ZNF385D: variants seen among roughly 807,000 people sequenced by gnomAD.
ZNF385D encodes zinc finger protein 659.
Under a neutral mutation model 35.8 loss-of-function variants are expected in ZNF385D, and 15 were observed. That is an observed-to-expected ratio of 0.42 (90% CI 0.28 to 0.64). The LOEUF is 0.64. Among genes scored for constraint, ZNF385D ranks in the 30% least tolerant of loss-of-function variants. The pLI, the probability that ZNF385D is intolerant of heterozygous loss-of-function variation, is 0.23. For synonymous variants in ZNF385D, 212 were observed against 186.8 expected, an observed-to-expected ratio of 1.13 and a Z score of -1.10; for missense variants, 474 against 494.6, an observed-to-expected ratio of 0.96 and a Z score of 0.39.
intron 2 of ZNF385D, among the ~76,000 whole-genome samples, chr3:22,196,998 G>A (rs1429266077): frequency 1.3e-5 from 2 of 151,884 alleles, no homozygotes; most frequent in African/African-American, 4.8e-5. Flanking sequence ...ATTTTGGCAG[G>A]TATTTCTATT....
At chr3:21,605,158 A>C (rs1453922656) in intron 2 of ZNF385D, among the ~76,000 whole-genome samples, 2 of 152,200 alleles carry the variant, frequency 1.3e-5, no homozygotes, top group Non-Finnish European at 2.9e-5. Context: ...GAGGATCTAG[A>C]AATGAGATCA....
At chr3:22,173,058 C>CA (rs1451171649) in intron 2 of ZNF385D, among the ~76,000 whole-genome samples, 1 of 152,172 alleles carries the variant, frequency 6.6e-6, no homozygotes, top group East Asian at 1.9e-4. Context: ...GACGTGCTAA[C>CA]AATGGTATTT....
rs375157558 is a variant in ZNF385D, at chr3:22,155,517, G to C, written c.325+13300C>G. 2.6e-5 allele frequency among the ~76,000 whole-genome samples: 4 copies of C among 152,060 alleles called. No individual in the cohort carries two copies. In the East Asian group the frequency reaches 5.8e-4, roughly 22 times the overall value. On this transcript the variant is annotated intron_variant, in intron 3 of 5. Transcript: ENST00000494108. ...CTGGGACACTTTTGTTAGTGATTAGGCAAAAGGGGTCCTTGACTAGTAAAT... is the reference window on the plus strand; with the variant it reads ...CTGGGACACTTTTGTTAGTGATTAGCCAAAAGGGGTCCTTGACTAGTAAAT...
At position 22,307,214 on chromosome 3, in the gene ZNF385D, G is replaced by A. The variant is rs368519086; in HGVS notation, c.106+65236C>T. 4.6e-5 allele frequency among the ~76,000 whole-genome samples: 7 copies of A among 152,204 alleles called. 1 individual carries two copies. In the South Asian group the frequency reaches 1.5e-3, roughly 32 times the overall value. On this transcript the variant is annotated intron_variant, in intron 2 of 5. Transcript: ENST00000494108. ...AAAGCCCTGGTGGGGTGGGGAGGTG[G>A]GAAGTGTTTGAGAGTCAGTTTAATT...
chr3:21,808,719 T>C (rs1417860409), intron 3 of ZNF385D, among the ~76,000 whole-genome samples: 1 of 152,212 alleles, frequency 6.6e-6, no homozygotes, highest in Non-Finnish European at 1.5e-5. Context: ...AGGAGTGATC[T>C]GAATGAAGAA....
At chr3:22,105,605 G>T (rs534467374) in intron 3 of ZNF385D, among the ~76,000 whole-genome samples, 1 of 135,354 alleles carries the variant, frequency 7.4e-6, no homozygotes, top group Non-Finnish European at 1.6e-5. Context: ...TCACAGTTCA[G>T]GTCTGAGGGA....
intron 2 of ZNF385D, among the ~76,000 whole-genome samples, chr3:22,290,722 C>A (rs1236640032): frequency 6.6e-6 from 1 of 152,074 alleles, no homozygotes; most frequent in Non-Finnish European, 1.5e-5. Context: ...AAAAATCCAA[C>A]GTGTAGGATT....
chr3:21,679,126 T>C (rs894494026), intron 1 of ZNF385D, among the ~76,000 whole-genome samples: 3 of 151,834 alleles, frequency 2.0e-5, no homozygotes, highest in African/African-American at 7.3e-5. Context: ...CAAATTCCAG[T>C]GTTTTCATGT....
At chr3:21,642,164 T>C (rs1408307918) in intron 2 of ZNF385D, among the ~76,000 whole-genome samples, 1 of 152,130 alleles carries the variant, frequency 6.6e-6, no homozygotes, top group Non-Finnish European at 1.5e-5. Flanking sequence ...ATGACACACC[T>C]AGTCCAACCA....
chr3:22,359,743 T>A lies in ZNF385D; in HGVS notation c.106+12707A>T, dbSNP rs566566191. Among the ~76,000 whole-genome samples the A allele has an allele frequency of 9.2e-5, 14 of 152,026 alleles. No individual in the cohort carries two copies. In the South Asian group the frequency reaches 2.9e-3, roughly 32 times the overall value. The stretch of plus-strand genomic sequence containing the variant: ...GAGATAACGGGAATGCCAGTTAAAA[T>A]GATAGGAAATAGTGTCCTATACAGA... On this transcript the variant is annotated intron_variant, in intron 2 of 5. Transcript: ENST00000494108.
chr3:21,610,141 T>C lies in ZNF385D; in HGVS notation c.166-45457A>G, dbSNP rs2064623770. 6.8e-5 allele frequency among the ~76,000 whole-genome samples: 6 copies of C among 88,206 alleles called. No individual in the cohort carries two copies. In the South Asian group the frequency reaches 2.7e-3, roughly 40 times the overall value. The allele number at this position is 88,206 out of a possible 152,430, so 57.9% of individuals were successfully genotyped here. A position where few individuals can be genotyped will look rare whatever the true frequency, so the allele number is the denominator to read the frequency against. On this transcript the variant is annotated intron_variant, in intron 2 of 7. Transcript: ENST00000281523. ...GGACAATTTAGGCAACAGTCGCATC[T>C]ACCAAAAAAAAAATGTGTTTATGCA...
At chr3:21,556,650 G>A (rs1470627809) in intron 3 of ZNF385D, among the ~76,000 whole-genome samples, 1 of 152,122 alleles carries the variant, frequency 6.6e-6, no homozygotes, top group Non-Finnish European at 1.5e-5. Flanking sequence ...TAGAAGCCAG[G>A]TAACATGATA....
chr3:21,874,840 A>G (rs764506706), intron 3 of ZNF385D, among the ~76,000 whole-genome samples: 1 of 152,094 alleles, frequency 6.6e-6, no homozygotes, highest in Non-Finnish European at 1.5e-5. Context: ...TTTTAACAAT[A>G]TTAAGTATTT....
upstream of ZNF385D, chr3:21,751,584 G>T: frequency 3.2e-6 from 1 of 308,224 alleles, no homozygotes; most frequent in Non-Finnish European, 4.7e-6. Context: ...GGATGGTGCC[G>T]TGCTTGCATT....
At chr3:21,594,638 C>G (rs1457100490) in intron 2 of ZNF385D, among the ~76,000 whole-genome samples, 1 of 152,054 alleles carries the variant, frequency 6.6e-6, no homozygotes. Flanking sequence ...ACATAGCCAC[C>G]GGGAATTTAA....
chr3:21,858,869 T>C (rs3914479), intron 3 of ZNF385D, among the ~76,000 whole-genome samples: 49,545 of 151,838 alleles, frequency 0.33, 8,317 homozygotes, highest in Middle Eastern at 0.47. Flanking sequence ...AGTTCTATGC[T>C]GCTCACTCAC....
chr3:21,922,439 A>T (rs546248759), intron 3 of ZNF385D, among the ~76,000 whole-genome samples: 1 of 152,332 alleles, frequency 6.6e-6, no homozygotes, highest in South Asian at 2.1e-4. Context: ...ACAAAAGCAG[A>T]TACATATACC....
intron 4 of ZNF385D, among the ~76,000 whole-genome samples, chr3:21,483,959 T>C (rs1704835612): frequency 6.6e-6 from 1 of 152,162 alleles, no homozygotes; most frequent in African/African-American, 2.4e-5. Context: ...GCATCATTCT[T>C]TGTCAGTCAG....
chr3:22,372,209 C>G (rs75631575), intron 2 of ZNF385D, among the ~76,000 whole-genome samples: 5,229 of 152,174 alleles, frequency 0.034, 300 homozygotes, highest in African/African-American at 0.12. Flanking sequence ...ACTCTGGCCC[C>G]GCAACCTCAC....
Sources: gnomAD v4.1 joint callset for allele counts (sites outside exome capture counted in the v4.1 genomes callset) on GRCh38, gnomAD v4.1.1 for gene constraint, MANE v1.5 for transcripts, NCBI Gene and HGNC (gene_info 2026-07-23, HGNC 2026-07-21) for gene names.